Variants in RSPO4 observed in about 807,000 individuals in gnomAD.
The protein encoded by RSPO4 is R-spondin 4.
In RSPO4, 23 loss-of-function variants were observed where a neutral mutation model predicts 24.8. The observed-to-expected ratio is 0.93, with a 90% CI of 0.67 to 1.31. The LOEUF is 1.31. Ranked by LOEUF, RSPO4 falls within the 40% of genes most tolerant of loss-of-function variation. The pLI is 0.00. For missense variants in RSPO4, 333 were observed against 316.5 expected, an observed-to-expected ratio of 1.05 and a Z score of -0.39; for synonymous variants, 141 against 127.4, an observed-to-expected ratio of 1.11 and a Z score of -0.72.
At chr20:989,486 C>T (rs1439686222) in intron 1 of RSPO4, among the ~76,000 whole-genome samples, 2 of 152,218 alleles carry the variant, frequency 1.3e-5, no homozygotes, top group South Asian at 4.1e-4. Flanking sequence ...GCATACAAAG[C>T]CTCTGGTGCA....
At position 981,980 on chromosome 20, in the gene RSPO4, A is replaced by G. The variant is rs914971225; in HGVS notation, c.80-13842T>C. Among the ~76,000 whole-genome samples, 1 of 152,130 alleles carries G rather than the reference A, an allele frequency of 6.6e-6. No homozygotes were observed. Among genetic ancestry groups the G allele is most frequent in the Non-Finnish European group, 1.5e-5 (1 of 68,022 alleles). ...CTATTCTGCCCTCCATTAGCTACTCATTAAGAGAAGTTACATTTGTGTTTC... is the reference window on the plus strand; with the variant it reads ...CTATTCTGCCCTCCATTAGCTACTCGTTAAGAGAAGTTACATTTGTGTTTC... On this transcript the variant is annotated intron_variant, in intron 1 of 4. Transcript: ENST00000217260. The surrounding 1 kb of genome is among the most constrained non-coding windows in gnomAD (Gnocchi z 4.6).
intron 1 of RSPO4, among the ~76,000 whole-genome samples, chr20:971,269 T>C (rs1984398259): frequency 6.6e-6 from 1 of 152,252 alleles, no homozygotes; most frequent in African/African-American, 2.4e-5. Flanking sequence ...GTTCCACCCC[T>C]GGTACGTCTG....
chr20:984,256 T>C (rs1363512898), intron 1 of RSPO4, among the ~76,000 whole-genome samples: 1 of 152,084 alleles, frequency 6.6e-6, no homozygotes, highest in African/African-American at 2.4e-5. Flanking sequence ...GGAGAATCAC[T>C]TGAACCTGGG....
intron 1 of RSPO4, among the ~76,000 whole-genome samples, chr20:995,407 C>T (rs1363857459): frequency 6.6e-6 from 1 of 152,094 alleles, no homozygotes; most frequent in African/African-American, 2.4e-5. Context: ...TGTAAGCTGG[C>T]GGTAGAGGCA....
chr20:989,893 CA>C (rs1985040998), intron 1 of RSPO4, among the ~76,000 whole-genome samples: 1 of 152,158 alleles, frequency 6.6e-6, no homozygotes, highest in Admixed American at 6.5e-5. Context: ...ACCAGAACTG[CA>C]AAAAACAGAA....
chr20:989,514 A>G (rs967778224), intron 1 of RSPO4, among the ~76,000 whole-genome samples: 1 of 152,184 alleles, frequency 6.6e-6, no homozygotes, highest in Non-Finnish European at 1.5e-5. Flanking sequence ...TGCTCAATAA[A>G]TGGTAGGATG....
intron 1 of RSPO4, among the ~76,000 whole-genome samples, chr20:974,955 C>A (rs1208959329): frequency 2.0e-5 from 3 of 152,150 alleles, no homozygotes; most frequent in African/African-American, 7.2e-5. Flanking sequence ...AAATCAGATG[C>A]AGAGAGAGAA....
At chr20:961,760 T>C (rs983714485) in intron 4 of RSPO4, among the ~76,000 whole-genome samples, 1 of 152,050 alleles carries the variant, frequency 6.6e-6, no homozygotes, top group South Asian at 2.1e-4. Context: ...CAGCTGCTCA[T>C]GTACCCATCC....
chr20:976,219 C>T (rs1600093810), intron 1 of RSPO4, among the ~76,000 whole-genome samples: 1 of 152,228 alleles, frequency 6.6e-6, no homozygotes, highest in East Asian at 1.9e-4. Flanking sequence ...TCCCTGTTCC[C>T]TCACCATCAT....
Position 968,103 on chromosome 20 carries a change from T to C in RSPO4, c.115A>G (p.Ile39Val), listed in dbSNP as rs763333338. The change falls in exon 2 of 5, where the codon ATC (isoleucine) becomes GTC (valine). Residue 39 changes from isoleucine (I) to valine (V), a missense_variant. Ile to Val is a conservative substitution (Grantham distance 29, BLOSUM62 3). Transcript: ENST00000217260. ...TGLGGNCTGC[I>V]ICSEENGCST... Reference sequence around the variant, plus strand: ...CAGCCGTTCTCCTCTGAGCAGATGATACAGCCTGTGCAGTTGCCCCCCAGG... The same window carrying C: ...CAGCCGTTCTCCTCTGAGCAGATGACACAGCCTGTGCAGTTGCCCCCCAGG... 4.3e-6 allele frequency: 7 copies of C among 1,614,176 alleles called. No individual in the cohort carries two copies. The highest frequency in any genetic ancestry group is 5.9e-6 in the Non-Finnish European group (7 of 1,180,040).
rs1983940864 is a variant in RSPO4 at position 960,212 on chromosome 20, GAC to G, written c.*143_*144del. The G allele has an allele frequency of 1.6e-6, 1 of 628,762 alleles. No homozygotes were observed. The highest frequency in any genetic ancestry group is 2.8e-5 in the East Asian group (1 of 36,326). The allele number at this position is 628,762 out of a possible 1,614,324, so 38.9% of individuals were successfully genotyped here. A position where few individuals can be genotyped will look rare whatever the true frequency, so the allele number is the denominator to read the frequency against. ...AAGAAAAAGAAAGGGAAGGTAGACT[GAC>G]AGAAAAATGATAGAAGGGTGGAAAG... On this transcript the variant is annotated 3_prime_UTR_variant, in exon 5 of 5. Transcript: ENST00000217260.
chr20:998,876 AGC>A (rs1985377043), intron 1 of RSPO4, among the ~76,000 whole-genome samples: 1 of 152,174 alleles, frequency 6.6e-6, no homozygotes. Flanking sequence ...ATAAGGTCAA[AGC>A]TGGTAGGACC....
chr20:971,971 C>T (rs1002264391), intron 1 of RSPO4, among the ~76,000 whole-genome samples: 1 of 152,182 alleles, frequency 6.6e-6, no homozygotes, highest in Non-Finnish European at 1.5e-5. Context: ...ATTCTGAAGA[C>T]GTGGGACCCG....
intron 1 of RSPO4, among the ~76,000 whole-genome samples, chr20:995,990 A>C (rs1428616186): frequency 6.6e-6 from 1 of 152,262 alleles, no homozygotes; most frequent in East Asian, 1.9e-4. Flanking sequence ...TCTCAAAATA[A>C]TAGTTTTCAC....
intron 4 of RSPO4, among the ~76,000 whole-genome samples, chr20:962,818 C>T (rs515349): frequency 0.3 from 45,170 of 152,184 alleles, 12,450 homozygotes; most frequent in African/African-American, 0.73. Flanking sequence ...TGACGAGTTA[C>T]GTTTGAATTC....
rs1311391319 is a variant in RSPO4, at chr20:970,380, A to T, written c.80-2242T>A. Among the ~76,000 whole-genome samples, 2 of 151,726 alleles carry T rather than the reference A, an allele frequency of 1.3e-5. No homozygotes were observed. Among genetic ancestry groups the T allele is most frequent in the Non-Finnish European group, 2.9e-5 (2 of 67,972 alleles). On this transcript the variant is annotated intron_variant, in intron 1 of 4. Transcript: ENST00000217260. The surrounding 1 kb of genome is among the most constrained non-coding windows in gnomAD (Gnocchi z 4.1). ...GGTGAGGCCCCACATCCTGCTGATA[A>T]CCCTCTTTCTGTTGCTTATAACTCA...
At chr20:992,594 G>A (rs979453484) in intron 1 of RSPO4, among the ~76,000 whole-genome samples, 3 of 152,076 alleles carry the variant, frequency 2.0e-5, no homozygotes, top group Non-Finnish European at 2.9e-5. Flanking sequence ...TTCCAGGGGC[G>A]TCACATGCAT....
chr20:988,640 T>C (rs1035143644), intron 1 of RSPO4, among the ~76,000 whole-genome samples: 3 of 152,064 alleles, frequency 2.0e-5, no homozygotes, highest in Admixed American at 6.6e-5. Context: ...AACCTCTGCC[T>C]CCCAGGTTCA....
intron 1 of RSPO4, among the ~76,000 whole-genome samples, chr20:974,053 T>A (rs1230048943): frequency 6.6e-6 from 1 of 152,216 alleles, no homozygotes; most frequent in Non-Finnish European, 1.5e-5. Flanking sequence ...GGCGCTTGAA[T>A]GTTCATTCTG....
Sources: gnomAD v4.1 joint callset for allele counts (sites outside exome capture counted in the v4.1 genomes callset) on GRCh38, gnomAD v4.1.1 for gene constraint, Gnocchi (gnomAD v3.1) non-coding constraint, MANE v1.5 for transcripts, NCBI Gene and HGNC (gene_info 2026-07-23, HGNC 2026-07-21) for gene names.